The following GRM7 variants were observed in gnomAD, a reference collection of about 807,000 sequenced individuals.
GRM7 encodes metabotropic glutamate receptor 7.
GRM7 carries 35 observed loss-of-function variants against 84.5 expected under a neutral mutation model. That is an observed-to-expected ratio of 0.41 (90% CI 0.32 to 0.55). The LOEUF (loss-of-function observed/expected upper bound fraction) is 0.55. Among genes scored for constraint, GRM7 ranks in the 20% least tolerant of loss-of-function variants. GRM7 has a pLI of 0.19. For missense variants in GRM7, 1,003 were observed against 1,194.6 expected (o/e 0.84, Z 2.36); for synonymous variants, 487 against 455.1 (o/e 1.07, Z -0.89).
intron 6 of GRM7, among the ~76,000 whole-genome samples, chr3:7,454,851 C>T (rs1051856030): frequency 1.3e-5 from 2 of 152,076 alleles, no homozygotes; most frequent in Non-Finnish European, 2.9e-5. Flanking sequence ...CTGCCTGGCT[C>T]TGTTCCCTGA....
At chr3:7,493,900 A>G (rs75238085) in intron 7 of GRM7, among the ~76,000 whole-genome samples, 294 of 152,136 alleles carry the variant, frequency 1.9e-3, no homozygotes, top group African/African-American at 6.6e-3. Context: ...AGTCTACTAA[A>G]GTCTACATTT....
rs199686710 is a variant in GRM7 at position 7,281,278 on chromosome 3, A to AT, written c.737-17398dup. On this transcript the variant is annotated intron_variant, in intron 2 of 9. Coordinates refer to ENST00000357716, the MANE Select transcript of GRM7 (RefSeq NM_000844.4). Reference sequence around the variant, plus strand: ...ATTGTATTTTATTCTATGTAAATCTATTTTTTTTGCAGTGCTAAAACAGGT... The same window carrying AT: ...ATTGTATTTTATTCTATGTAAATCTATTTTTTTTTGCAGTGCTAAAACAGGT... Among the ~76,000 whole-genome samples, 389 of 151,910 alleles carry AT rather than the reference A, an allele frequency of 2.6e-3. 10 individuals are homozygous for AT. The East Asian group carries it at 0.059, about 23-fold the overall frequency.
intron 7 of GRM7, among the ~76,000 whole-genome samples, chr3:7,528,953 T>C (rs1405642327): frequency 1.3e-5 from 2 of 152,082 alleles, no homozygotes; most frequent in East Asian, 3.9e-4. Context: ...AATCTTAGAG[T>C]ATGTTCATGT....
intron 1 of GRM7, among the ~76,000 whole-genome samples, chr3:7,066,337 G>A (rs1159991917): frequency 6.6e-6 from 1 of 151,802 alleles, no homozygotes; most frequent in Admixed American, 6.6e-5. Context: ...AATGAAACAG[G>A]AGATATTACA....
chr3:7,722,887 T>C (rs1702000819), intron 9 of GRM7, among the ~76,000 whole-genome samples: 1 of 152,244 alleles, frequency 6.6e-6, no homozygotes, highest in Non-Finnish European at 1.5e-5. Context: ...CTTGACAGTA[T>C]TAATTCTTGG....
At chr3:7,483,723 C>T (rs746856183) in intron 7 of GRM7, among the ~76,000 whole-genome samples, 36 of 151,964 alleles carry the variant, frequency 2.4e-4, no homozygotes, top group Admixed American at 3.9e-4. Flanking sequence ...CCAGTTAGGC[C>T]AGTTGGTTTT....
intron 6 of GRM7, among the ~76,000 whole-genome samples, chr3:7,455,811 A>G (rs1362645387): frequency 1.3e-5 from 2 of 152,166 alleles, no homozygotes; most frequent in Non-Finnish European, 2.9e-5. Flanking sequence ...GATTAATTTT[A>G]GTAGCATTCC....
At chr3:7,062,818 G>A (rs4686115) in intron 1 of GRM7, among the ~76,000 whole-genome samples, 36,305 of 151,658 alleles carry the variant, frequency 0.24, 4,750 homozygotes, top group African/African-American at 0.34. Context: ...GTGCACAAGA[G>A]ATTGAATTTT....
chr3:6,973,193 A>G (rs925335859), intron 1 of GRM7, among the ~76,000 whole-genome samples: 2 of 150,864 alleles, frequency 1.3e-5, no homozygotes, highest in Non-Finnish European at 2.9e-5. Flanking sequence ...TGATGGTTTT[A>G]TTATTATTAT....
chr3:7,616,294 A>C (rs569304724), intron 8 of GRM7, among the ~76,000 whole-genome samples: 26 of 152,288 alleles, frequency 1.7e-4, no homozygotes, highest in Non-Finnish European at 3.4e-4. Flanking sequence ...GCCCCCCGAC[A>C]AAGAAGTTTT....
At chr3:7,215,385 C>T (rs1211060385) in intron 2 of GRM7, among the ~76,000 whole-genome samples, 1 of 152,104 alleles carries the variant, frequency 6.6e-6, no homozygotes, top group Admixed American at 6.5e-5. Flanking sequence ...TTCTTGGAGG[C>T]TGGGCACGGT....
chr3:7,494,011 C>T (rs956369662), intron 7 of GRM7, among the ~76,000 whole-genome samples: 4 of 152,130 alleles, frequency 2.6e-5, no homozygotes, highest in South Asian at 4.1e-4. Context: ...ACCATTTTGT[C>T]TCAGTCATCA....
At chr3:7,474,695 G>T (rs147847883) in intron 7 of GRM7, among the ~76,000 whole-genome samples, 1 of 152,178 alleles carries the variant, frequency 6.6e-6, no homozygotes, top group Non-Finnish European at 1.5e-5. Context: ...CTAAAATGTA[G>T]TATCTGTCCT....
At chr3:7,593,250 A>G (rs1695877668) in intron 8 of GRM7, among the ~76,000 whole-genome samples, 1 of 152,156 alleles carries the variant, frequency 6.6e-6, no homozygotes, top group Non-Finnish European at 1.5e-5. Context: ...CCATATTCAT[A>G]GCCTTATTTT....
chr3:6,964,298 G>A (rs1304992046), intron 1 of GRM7, among the ~76,000 whole-genome samples: 1 of 152,048 alleles, frequency 6.6e-6, no homozygotes, highest in Non-Finnish European at 1.5e-5. Context: ...TCTGGTGAGG[G>A]CCCTTTTCTG....
At chr3:6,870,401 G>A (rs1345928935) in intron 1 of GRM7, among the ~76,000 whole-genome samples, 1 of 152,188 alleles carries the variant, frequency 6.6e-6, no homozygotes, top group Non-Finnish European at 1.5e-5. Flanking sequence ...CATGTTAGAA[G>A]AATATTGTAG....
chr3:7,660,159 T>C (rs1699376298), intron 8 of GRM7, among the ~76,000 whole-genome samples: 1 of 152,208 alleles, frequency 6.6e-6, no homozygotes, highest in Admixed American at 6.5e-5. Context: ...TATTTCCCAG[T>C]TGCAAAGGTA....
intron 8 of GRM7, among the ~76,000 whole-genome samples, chr3:7,620,717 T>G (rs1384783628): frequency 6.6e-6 from 1 of 152,160 alleles, no homozygotes; most frequent in African/African-American, 2.4e-5. Context: ...TTATGTCTGG[T>G]TATAGAGTAC....
intron 7 of GRM7, among the ~76,000 whole-genome samples, chr3:7,529,355 G>A (rs1188690138): frequency 2.6e-5 from 4 of 152,020 alleles, no homozygotes; most frequent in African/African-American, 9.7e-5. Context: ...AGGCACTTTG[G>A]AATGAAAGAA....
Sources: allele counts gnomAD v4.1 joint callset (sites outside exome capture counted in the v4.1 genomes callset), GRCh38; gene constraint gnomAD v4.1.1; transcripts MANE v1.5; gene names NCBI Gene and HGNC (gene_info 2026-07-23, HGNC 2026-07-21).